EPHA6: variants seen among roughly 807,000 people sequenced by gnomAD.
EPHA6 encodes the protein EPH receptor A6, also known as ephrin type-A receptor 6.
EPHA6 carries 50 observed loss-of-function variants against 112.0 expected under a neutral mutation model. That is an observed-to-expected ratio of 0.45 (90% CI 0.36 to 0.56). The LOEUF is 0.56. Among genes scored for constraint, EPHA6 ranks in the 20% least tolerant of loss-of-function variants. EPHA6 has a pLI of 0.00. For synonymous variants in EPHA6, 529 were observed against 490.7 expected (o/e 1.08, Z -1.03); for missense variants, 1,280 against 1,417.4 (o/e 0.90, Z 1.56).
intron 2 of EPHA6, among the ~76,000 whole-genome samples, chr3:96,893,638 T>C (rs898626254): frequency 6.6e-6 from 1 of 152,198 alleles, no homozygotes; most frequent in African/African-American, 2.4e-5. Context: ...TATCTGCTCA[T>C]TGAAAGCAGC....
chr3:97,673,855 C>T (rs1431585061), intron 14 of EPHA6, among the ~76,000 whole-genome samples: 1 of 152,232 alleles, frequency 6.6e-6, no homozygotes, highest in Non-Finnish European at 1.5e-5. Flanking sequence ...CAAAAACTGC[C>T]TCTTGCTTTC....
At chr3:97,113,377 C>T (rs145996562) in intron 3 of EPHA6, among the ~76,000 whole-genome samples, 2 of 152,122 alleles carry the variant, frequency 1.3e-5, no homozygotes, top group East Asian at 3.9e-4. Flanking sequence ...AAGACTTTAC[C>T]CATCCTCCAC....
intron 7 of EPHA6, among the ~76,000 whole-genome samples, chr3:97,456,140 A>G (rs1939549183): frequency 6.6e-6 from 1 of 152,092 alleles, no homozygotes; most frequent in African/African-American, 2.4e-5. Context: ...GCTTATTTTT[A>G]AGGCAATAAC....
rs145745989 is a variant in EPHA6, at chr3:96,822,655, A to C, written c.385+7647A>C. 4.0e-3 allele frequency among the ~76,000 whole-genome samples: 601 copies of C among 151,330 alleles called. 5 individuals are homozygous for C. Among genetic ancestry groups the C allele is most frequent in the African/African-American group, 0.014 (563 of 41,470 alleles). On this transcript the variant is annotated intron_variant, in intron 1 of 17. Coordinates refer to ENST00000389672, the MANE Select transcript of EPHA6 (RefSeq NM_001080448.3). The stretch of plus-strand genomic sequence containing the variant: ...CTTGTAATGTTAGGTATCTATGTGG[A>C]TATCTGGATAAAAAGTAAGATACTT...
intron 2 of EPHA6, among the ~76,000 whole-genome samples, chr3:96,891,595 G>A (rs2037967302): frequency 6.6e-6 from 1 of 152,128 alleles, no homozygotes; most frequent in South Asian, 2.1e-4. Context: ...TGTAATCCCA[G>A]CTACTTGGGA....
intron 2 of EPHA6, among the ~76,000 whole-genome samples, chr3:96,886,551 T>C (rs1380679560): frequency 6.6e-6 from 1 of 152,190 alleles, no homozygotes; most frequent in African/African-American, 2.4e-5. Context: ...TCCTTATACT[T>C]TAAGTTTGTG....
At chr3:97,562,406 G>T (rs1330523443) in intron 11 of EPHA6, among the ~76,000 whole-genome samples, 2 of 152,082 alleles carry the variant, frequency 1.3e-5, no homozygotes, top group Non-Finnish European at 2.9e-5. Flanking sequence ...GCTTTTGAGG[G>T]GTTCAAGACT....
intron 2 of EPHA6, among the ~76,000 whole-genome samples, chr3:96,908,643 T>G (rs1382154101): frequency 6.6e-6 from 1 of 151,944 alleles, no homozygotes; most frequent in Non-Finnish European, 1.5e-5. Flanking sequence ...CATTGTTAAC[T>G]GAGTGGGTTC....
chr3:97,380,102 G>A (rs986365589), intron 5 of EPHA6, among the ~76,000 whole-genome samples: 16 of 152,126 alleles, frequency 1.1e-4, no homozygotes, highest in Non-Finnish European at 2.9e-5. Context: ...GAGTAGAGAC[G>A]AAACTGTAAT....
chr3:97,720,346 G>A lies in EPHA6; in HGVS notation c.2870G>A (p.Gly957Asp). ...TCAGCAAGCGATGCATGGAGCTATGGCATTGTCATGTGGGAGGTCATGTCC... is the reference window on the plus strand; with the variant it reads ...TCAGCAAGCGATGCATGGAGCTATGACATTGTCATGTGGGAGGTCATGTCC... ...FSSASDAWSYGIVMWEVMSYG... is the reference protein window; with the variant it reads ...FSSASDAWSYDIVMWEVMSYG... The change falls in exon 15 of 18, where the codon GGC becomes GAC. Residue 957 changes from glycine (G) to aspartate (D), a missense_variant. Gly to Asp is a moderately conservative substitution (Grantham distance 94). Transcript: ENST00000389672. 1 of 1,611,666 alleles carries A rather than the reference G, an allele frequency of 6.2e-7. No individual in the cohort carries two copies. Among genetic ancestry groups the A allele is most frequent in the Non-Finnish European group, 8.5e-7 (1 of 1,179,024 alleles).
chr3:97,479,898 A>G (rs1037817450), intron 9 of EPHA6, among the ~76,000 whole-genome samples: 9 of 152,154 alleles, frequency 5.9e-5, no homozygotes, highest in African/African-American at 2.2e-4. Context: ...TTACCACTAT[A>G]GCTGGTTTGA....
chr3:97,747,458 CTTTG>C lies in EPHA6; in HGVS notation c.3170_3173del (p.Phe1057SerfsTer7). 6.3e-7 allele frequency: 1 copy of C among 1,594,962 alleles called. No homozygotes were observed. The highest frequency in any genetic ancestry group is 8.5e-7 in the Non-Finnish European group (1 of 1,170,166). On this transcript the variant is annotated frameshift_variant, in exon 17 of 18. Coordinates refer to ENST00000389672, the MANE Select transcript of EPHA6 (RefSeq NM_001080448.3). LOFTEE classifies it high-confidence loss of function. ...TCCCCTGGTGAAGTTCCGGAATATC[CTTTG>C]TTTGTCACAGTTGGTGACTGGCTAG...
At chr3:97,615,143 C>G (rs2093754525) in intron 13 of EPHA6, among the ~76,000 whole-genome samples, 1 of 152,140 alleles carries the variant, frequency 6.6e-6, no homozygotes, top group Non-Finnish European at 1.5e-5. Flanking sequence ...CACCCAGGAG[C>G]AACACAGAGC....
At chr3:97,441,317 G>C (rs2090126343) in intron 6 of EPHA6, 1 of 227,708 alleles carries the variant, frequency 4.4e-6, no homozygotes, top group Non-Finnish European at 7.3e-6. Flanking sequence ...TTCTGCCTAA[G>C]TATATACTTT....
At chr3:97,294,219 C>A (rs560984281) in intron 5 of EPHA6, among the ~76,000 whole-genome samples, 1 of 152,314 alleles carries the variant, frequency 6.6e-6, no homozygotes, top group African/African-American at 2.4e-5. Flanking sequence ...GGGCTCCCAC[C>A]TTTTCTCAGC....
intron 14 of EPHA6, among the ~76,000 whole-genome samples, chr3:97,640,710 G>T (rs184042311): frequency 6.6e-6 from 1 of 152,116 alleles, no homozygotes; most frequent in Admixed American, 6.5e-5. Flanking sequence ...AACCCAGGAG[G>T]CGGAGGTTGC....
At chr3:97,526,142 G>A (rs2092616645) in intron 10 of EPHA6, among the ~76,000 whole-genome samples, 1 of 152,166 alleles carries the variant, frequency 6.6e-6, no homozygotes, top group Non-Finnish European at 1.5e-5. Flanking sequence ...AAAGGTGGGG[G>A]CCAATTTATA....
chr3:96,854,404 C>T (rs1046913170), intron 1 of EPHA6, among the ~76,000 whole-genome samples: 9 of 151,288 alleles, frequency 5.9e-5, no homozygotes, highest in African/African-American at 1.5e-4. Context: ...GGTCTCAATC[C>T]GTTGACTTTA....
intron 14 of EPHA6, among the ~76,000 whole-genome samples, chr3:97,708,426 A>C (rs1268251821): frequency 6.6e-6 from 1 of 152,240 alleles, no homozygotes. Context: ...TTTTCTGAAC[A>C]AATACAGTTA....
Sources: gnomAD v4.1 joint callset for allele counts (sites outside exome capture counted in the v4.1 genomes callset) on GRCh38, gnomAD v4.1.1 for gene constraint, MANE v1.5 for transcripts, NCBI Gene and HGNC (gene_info 2026-07-23, HGNC 2026-07-21) for gene names.